The following BCLAF3 variants were observed in gnomAD, a reference collection of about 807,000 sequenced individuals.
The protein encoded by BCLAF3 is transient octamer binding factor 1.
BCLAF3 carries 24 observed loss-of-function variants against 51.2 expected under a neutral mutation model. That is an observed-to-expected ratio of 0.47 (90% CI 0.34 to 0.66). The LOEUF (loss-of-function observed/expected upper bound fraction) is 0.66, where lower values mean the gene tolerates loss of function less well. Among genes scored for constraint, BCLAF3 ranks in the 30% least tolerant of loss-of-function variants. The pLI, the probability that BCLAF3 is intolerant of heterozygous loss-of-function variation, is 0.01. For synonymous variants in BCLAF3, 152 were observed against 176.6 expected (o/e 0.86, Z 1.10); for missense variants, 465 against 525.1 (o/e 0.89, Z 1.12).
chrX:19,939,834 C>T (rs912943077), intron 8 of BCLAF3, among the ~76,000 whole-genome samples: 4 of 111,759 alleles, frequency 3.6e-5, no homozygotes, highest in African/African-American at 9.8e-5. Flanking sequence ...AGAGACAAAA[C>T]GACAAATATT....
In BCLAF3 at chrX:19,955,446, G is replaced by A; in HGVS notation, c.1395C>T (p.Asn465=). 1 of 1,201,356 alleles carries A rather than the reference G, an allele frequency of 8.3e-7. No individual in the cohort carries two copies. The highest frequency in any genetic ancestry group is 1.1e-6 in the Non-Finnish European group (1 of 891,573). Residue 465 remains asparagine, a synonymous_variant, in exon 5 of 12, where the codon AAC becomes AAT. Transcript: ENST00000379682. ...EHLDSTQNTE[N]KPTGEFAQEI... ...CCTGAGCAAATTCTCCTGTAGGTTT[G>A]TTTTCAGTATTCTGAGTTGAGTCAA...
intron 4 of BCLAF3, among the ~76,000 whole-genome samples, chrX:19,957,165 G>A (rs758173994): frequency 1.7e-4 from 19 of 111,773 alleles, no homozygotes; most frequent in Non-Finnish European, 2.4e-4. Flanking sequence ...CAGGTTGACC[G>A]CACTGCTGTG....
chrX:19,957,786 A>C (rs923492023), intron 4 of BCLAF3, among the ~76,000 whole-genome samples: 9 of 112,157 alleles, frequency 8.0e-5, no homozygotes, highest in Non-Finnish European at 1.5e-4. Context: ...CATTTTCTAG[A>C]AAATATACAT....
rs1330940321 is a variant in BCLAF3, at chrX:19,976,918, T to C, written c.-34-6620A>G. Among the ~76,000 whole-genome samples, 5 of 111,894 alleles carry C rather than the reference T, an allele frequency of 4.5e-5. No homozygotes were observed. The Admixed American group carries it at 4.8e-4, about 11-fold the overall frequency. On this transcript the variant is annotated intron_variant, in intron 1 of 11. Transcript: ENST00000379682. ...ATTTTTCCAACCTCATGTGTTTACT[T>C]CTTGTCTCTGTGTCATATCACATTT... is the stretch of plus-strand genomic sequence containing the variant.
chrX:19,974,249 A>G (rs905543641), intron 1 of BCLAF3, among the ~76,000 whole-genome samples: 12 of 112,688 alleles, frequency 1.1e-4, no homozygotes, highest in Non-Finnish European at 2.2e-4. Context: ...GTTTGGAAAT[A>G]CCCAATAAAG....
chrX:19,924,443 T>A (rs924152887), intron 11 of BCLAF3, among the ~76,000 whole-genome samples: 1 of 111,458 alleles, frequency 9.0e-6, no homozygotes, highest in African/African-American at 3.3e-5. Context: ...TATGCAACAC[T>A]TCCTTTGCAC....
intron 2 of BCLAF3, 129 bp downstream of exon 2, chrX:19,970,095 A>G: frequency 1.8e-6 from 1 of 540,747 alleles, no homozygotes; most frequent in South Asian, 2.9e-5. Context: ...TAGAAATACA[A>G]CCTCCACTAT....
chrX:19,917,521 C>T (rs4265370), intron 11 of BCLAF3, among the ~76,000 whole-genome samples, 187 bp from the exon 12 acceptor site: 1 of 111,487 alleles, frequency 9.0e-6, no homozygotes, highest in Non-Finnish European at 1.9e-5. Context: ...AAAGCAATAT[C>T]GCATGATAAA....
intron 4 of BCLAF3, among the ~76,000 whole-genome samples, chrX:19,964,151 AG>A (rs747117262): frequency 1.5e-3 from 164 of 112,245 alleles, no homozygotes; most frequent in Non-Finnish European, 2.8e-3. Flanking sequence ...AAATGAGTCA[AG>A]CATGAATATA....
intron 8 of BCLAF3, among the ~76,000 whole-genome samples, chrX:19,940,280 T>A (rs5909134): frequency 0.14 from 14,702 of 102,518 alleles, 1,090 homozygotes; most frequent in Middle Eastern, 0.23. Context: ...TTATTTATTT[T>A]TTTTTTTTTA....
At chrX:19,979,879 A>C (rs2072554542) in intron 1 of BCLAF3, among the ~76,000 whole-genome samples, 1 of 110,455 alleles carries the variant, frequency 9.1e-6, no homozygotes, top group African/African-American at 3.3e-5. Flanking sequence ...GCATGAAAAC[A>C]ACCAAGAAAA....
chrX:19,970,357 CAT>C (rs2072217586), intron 1 of BCLAF3, 59 bp from the exon 2 acceptor site: 7 of 1,040,726 alleles, frequency 6.7e-6, no homozygotes, highest in Non-Finnish European at 8.0e-6. Context: ...TGATCTAAAA[CAT>C]AGCGAATGCT....
At chrX:19,929,636 G>A (rs891100533) in intron 11 of BCLAF3, 149 bp downstream of exon 11, 4 of 520,130 alleles carry the variant, frequency 7.7e-6, no homozygotes, top group Non-Finnish European at 1.2e-5. Flanking sequence ...ACTCCCTGAA[G>A]ATCTTATTCA....
At chrX:19,989,517 T>C (rs188288310) in intron 1 of BCLAF3, among the ~76,000 whole-genome samples, 152 of 112,213 alleles carry the variant, frequency 1.4e-3, no homozygotes, top group African/African-American at 4.8e-3. Flanking sequence ...TGCGGACTTT[T>C]ACATTTACCC....
At chrX:19,956,770 G>A (rs1419425382) in intron 4 of BCLAF3, among the ~76,000 whole-genome samples, 1 of 111,203 alleles carries the variant, frequency 9.0e-6, no homozygotes, top group Admixed American at 9.6e-5. Flanking sequence ...GTTCTTAATG[G>A]CTACATTACA....
intron 1 of BCLAF3, among the ~76,000 whole-genome samples, chrX:19,972,472 C>T (rs1202703491): frequency 8.9e-6 from 1 of 111,819 alleles, no homozygotes; most frequent in African/African-American, 3.2e-5. Flanking sequence ...ATCTTTTTTC[C>T]ATTTTTAAAA....
In BCLAF3 at chrX:19,943,650, A is replaced by C. The variant is rs1201393179; in HGVS notation, c.1746-6118T>G. Among the ~76,000 whole-genome samples the C allele has an allele frequency of 3.5e-3, 330 of 95,132 alleles. 3 individuals carry two copies. The highest frequency in any genetic ancestry group is 0.013 in the African/African-American group (322 of 24,173). The allele number at this position is 95,132 out of a possible 115,157, so 82.6% of individuals were successfully genotyped here. A position where few individuals can be genotyped will look rare whatever the true frequency, so the allele number is the denominator to read the frequency against. ...TGTGGTCTGAGAGAGAGTTTGTTATAATTTCTGTTCTTTTACATTTGCTGA... is the reference window on the plus strand; with the variant it reads ...TGTGGTCTGAGAGAGAGTTTGTTATCATTTCTGTTCTTTTACATTTGCTGA... On this transcript the variant is annotated intron_variant, in intron 8 of 11. Coordinates refer to ENST00000379682, the MANE Select transcript of BCLAF3 (RefSeq NM_001367774.2).
At chrX:19,970,002 CT>C (rs2147982004) in intron 2 of BCLAF3, among the ~76,000 whole-genome samples, 1 of 112,589 alleles carries the variant, frequency 8.9e-6, no homozygotes, top group Admixed American at 9.4e-5. Context: ...CTCACTCTCT[CT>C]TGCTGTGGCC....
At chrX:19,974,330 T>C (rs895610959) in intron 1 of BCLAF3, among the ~76,000 whole-genome samples, 35 of 111,686 alleles carry the variant, frequency 3.1e-4, no homozygotes, top group Admixed American at 5.7e-4. Flanking sequence ...TCTCAAACTT[T>C]AGTGTGCATT....
Sources: allele counts gnomAD v4.1 joint callset (sites outside exome capture counted in the v4.1 genomes callset), GRCh38; gene constraint gnomAD v4.1.1; transcripts MANE v1.5; gene names NCBI Gene and HGNC (gene_info 2026-07-23, HGNC 2026-07-21).